Variants in NEK1 observed in about 807,000 individuals in gnomAD.
The protein encoded by NEK1 is serine/threonine-protein kinase Nek1.
NEK1 carries 137 observed loss-of-function variants against 182.1 expected under a neutral mutation model. The observed-to-expected ratio is 0.75, with a 90% CI of 0.65 to 0.87. The LOEUF is 0.87. Ranked by LOEUF, NEK1 falls within the 40% of genes least tolerant of loss-of-function variation. NEK1 has a pLI of 0.00. For missense variants in NEK1, 1,391 were observed against 1,494.4 expected, an observed-to-expected ratio of 0.93 and a Z score of 1.14; for synonymous variants, 513 against 492.2, an observed-to-expected ratio of 1.04 and a Z score of -0.56.
chr4:169,544,990 CTCTGA>C (rs1329488013), intron 18 of NEK1, among the ~76,000 whole-genome samples: 24 of 149,404 alleles, frequency 1.6e-4, no homozygotes, highest in African/African-American at 5.9e-4. Context: ...TTCAGTTCTG[CTCTGA>C]TCTTAGTTAT....
chr4:169,577,404 TA>T (rs1291073837), intron 11 of NEK1, among the ~76,000 whole-genome samples: 3 of 151,992 alleles, frequency 2.0e-5, no homozygotes, highest in African/African-American at 7.2e-5. Flanking sequence ...ATGAATATAC[TA>T]AAAAAAATTT....
At chr4:169,491,160 A>AAAAAAAAAAAG (rs1750008356) in intron 23 of NEK1, among the ~76,000 whole-genome samples, 1 of 125,750 alleles carries the variant, frequency 8.0e-6, no homozygotes, top group Non-Finnish European at 1.7e-5. Context: ...AAAAAAAAAA[A>AAAAAAAAAAAG]AAAGAGAGAT....
intron 23 of NEK1, among the ~76,000 whole-genome samples, chr4:169,491,699 T>G (rs549972656): frequency 1.3e-5 from 2 of 152,306 alleles, no homozygotes; most frequent in African/African-American, 4.8e-5. Flanking sequence ...GAGGTATTTA[T>G]ATATATTCAA....
chr4:169,481,359 A>G (rs995887269), intron 23 of NEK1, among the ~76,000 whole-genome samples: 1 of 152,230 alleles, frequency 6.6e-6, no homozygotes, highest in East Asian at 1.9e-4. Flanking sequence ...GAAGGCTTTC[A>G]ATTTACTTTG....
At position 169,477,481 on chromosome 4, in the gene NEK1, TCA is replaced by T; in HGVS notation, c.2154_2155del (p.Asp719TyrfsTer18). The T allele has an allele frequency of 6.2e-7, 1 of 1,606,490 alleles. No individual in the cohort carries two copies. The highest frequency in any genetic ancestry group is 8.5e-7 in the Non-Finnish European group (1 of 1,175,800). ...CATCTCTTCTGAAGTTTCCCGGGTATCAGTTAAACTACTGTCCTTTAAATGCA... is the reference window on the plus strand; with the variant it reads ...CATCTCTTCTGAAGTTTCCCGGGTATGTTAAACTACTGTCCTTTAAATGCA... On this transcript the variant is annotated frameshift_variant, in exon 25 of 36. Transcript: ENST00000507142. LOFTEE classifies it high-confidence loss of function.
chr4:169,434,609 G>C (rs759598270), intron 28 of NEK1, among the ~76,000 whole-genome samples: 1 of 152,138 alleles, frequency 6.6e-6, no homozygotes, highest in Non-Finnish European at 1.5e-5. Flanking sequence ...GCGATGAGGA[G>C]AGTATTTGTT....
intron 19 of NEK1, among the ~76,000 whole-genome samples, chr4:169,527,460 A>G (rs770383442): frequency 3.7e-4 from 56 of 152,210 alleles, no homozygotes; most frequent in Non-Finnish European, 5.4e-4. Context: ...GAAAAGGTAT[A>G]ACATTTCCTG....
At chr4:169,465,453 G>A (rs1744747801) in intron 26 of NEK1, among the ~76,000 whole-genome samples, 1 of 152,022 alleles carries the variant, frequency 6.6e-6, no homozygotes, top group Non-Finnish European at 1.5e-5. Context: ...CAAGATAGGA[G>A]TACTGAAGTA....
intron 26 of NEK1, among the ~76,000 whole-genome samples, chr4:169,465,183 G>A (rs1744691874): frequency 6.6e-6 from 1 of 152,076 alleles, no homozygotes; most frequent in Non-Finnish European, 1.5e-5. Context: ...TTAAAATAGA[G>A]TAGAGAACCC....
chr4:169,572,407 G>C (rs548266792), intron 12 of NEK1, among the ~76,000 whole-genome samples: 2 of 152,288 alleles, frequency 1.3e-5, no homozygotes, highest in Admixed American at 1.3e-4. Flanking sequence ...GATCAATTTG[G>C]AGAGAGAATG....
At chr4:169,463,183 C>T in intron 27 of NEK1, 60 bp downstream of exon 27, 1 of 927,944 alleles carries the variant, frequency 1.1e-6, no homozygotes, top group Non-Finnish European at 1.5e-6. Flanking sequence ...TCTTAAAATA[C>T]ATAATTAGAT....
chr4:169,582,936 A>T (rs1230473293), intron 10 of NEK1, among the ~76,000 whole-genome samples: 3 of 152,114 alleles, frequency 2.0e-5, no homozygotes, highest in Non-Finnish European at 4.4e-5. Flanking sequence ...AATGAATCAG[A>T]ACTTACCCAT....
chr4:169,538,344 C>T (rs1758834526), intron 18 of NEK1, among the ~76,000 whole-genome samples: 1 of 152,068 alleles, frequency 6.6e-6, no homozygotes, highest in African/African-American at 2.4e-5. Context: ...AGAACAAATG[C>T]TTTAAGTATG....
chr4:169,605,551 C>T (rs1312930872), intron 2 of NEK1, among the ~76,000 whole-genome samples: 1 of 152,186 alleles, frequency 6.6e-6, no homozygotes, highest in African/African-American at 2.4e-5. Flanking sequence ...TGTGAGACTT[C>T]TCAACTGAAT....
chr4:169,536,962 T>C (rs1758609170), intron 19 of NEK1, among the ~76,000 whole-genome samples: 2 of 152,206 alleles, frequency 1.3e-5, no homozygotes, highest in Non-Finnish European at 2.9e-5. Flanking sequence ...TATGTTTCTA[T>C]GACATTGTTT....
chr4:169,535,255 A>G (rs1758287254), intron 19 of NEK1, among the ~76,000 whole-genome samples: 1 of 152,086 alleles, frequency 6.6e-6, no homozygotes, highest in Non-Finnish European at 1.5e-5. Context: ...CCCAGGAAGC[A>G]GAGGTTGCAG....
At chr4:169,514,043 T>G (rs936439777) in intron 19 of NEK1, among the ~76,000 whole-genome samples, 1 of 151,896 alleles carries the variant, frequency 6.6e-6, no homozygotes, top group South Asian at 2.1e-4. Context: ...TGGAGTACAG[T>G]GGTGCAATCT....
intron 32 of NEK1, 150 bp downstream of exon 32, chr4:169,406,446 T>C: frequency 2.1e-6 from 1 of 484,008 alleles, no homozygotes; most frequent in Non-Finnish European, 3.5e-6. Context: ...AGTGAGACCC[T>C]GTCTCTTAAA....
rs1342302668 is a variant in NEK1, at chr4:169,545,300, A to G, written c.1563-7389T>C. Among the ~76,000 whole-genome samples, 33 of 148,894 alleles carry G rather than the reference A, an allele frequency of 2.2e-4. 1 individual carries two copies. The East Asian group carries it at 2.6e-3, about 12-fold the overall frequency. The stretch of plus-strand genomic sequence containing the variant: ...TTCCCACCTATGAGTGAGAATATGC[A>G]GTGTTTGGTTTTTTGTTCTTGCGAT... On this transcript the variant is annotated intron_variant, in intron 18 of 35. Transcript: ENST00000507142.
Sources: allele counts gnomAD v4.1 joint callset (sites outside exome capture counted in the v4.1 genomes callset), GRCh38; gene constraint gnomAD v4.1.1; transcripts MANE v1.5; gene names NCBI Gene and HGNC (gene_info 2026-07-23, HGNC 2026-07-21).